Variants in ASTN2 observed in about 807,000 individuals in gnomAD.
ASTN2 encodes the protein astrotactin-2.
A neutral mutation model predicts 139.8 loss-of-function variants in ASTN2; 54 were observed. That is an observed-to-expected ratio of 0.39 (90% CI 0.31 to 0.48). The LOEUF (loss-of-function observed/expected upper bound fraction) is 0.48. Ranked by LOEUF, ASTN2 falls within the 20% of genes least tolerant of loss-of-function variation. ASTN2 has a pLI of 0.95. For missense variants in ASTN2, 1,565 were observed against 1,725.1 expected (o/e 0.91, Z 1.64); for synonymous variants, 756 against 719.5 (o/e 1.05, Z -0.81).
chr9:116,459,611 T>TA (rs1191883279), intron 20 of ASTN2, among the ~76,000 whole-genome samples: 2 of 151,708 alleles, frequency 1.3e-5, no homozygotes, highest in South Asian at 2.1e-4. Context: ...GACATTTCTC[T>TA]AAAAAAAAGA....
intron 19 of ASTN2, among the ~76,000 whole-genome samples, chr9:116,609,043 AG>A (rs1414495297): frequency 6.6e-6 from 1 of 152,176 alleles, no homozygotes; most frequent in Non-Finnish European, 1.5e-5. Flanking sequence ...AATGGAATAC[AG>A]AGATAACAAA....
At chr9:116,549,883 G>A (rs1041677121) in intron 19 of ASTN2, among the ~76,000 whole-genome samples, 1 of 132,898 alleles carries the variant, frequency 7.5e-6, no homozygotes, top group African/African-American at 2.9e-5. Context: ...TACCCATAAA[G>A]CCATTTATTA....
At chr9:116,948,698 A>AGTGTGTGTGTGT (rs112233837) in intron 10 of ASTN2, among the ~76,000 whole-genome samples, 1 of 135,278 alleles carries the variant, frequency 7.4e-6, no homozygotes, top group Non-Finnish European at 1.5e-5. Context: ...TATATGTGTG[A>AGTGTGTGTGTGT]GTGTGTGTGT....
intron 20 of ASTN2, among the ~76,000 whole-genome samples, chr9:116,455,130 C>A (rs981788099): frequency 3.9e-5 from 6 of 151,954 alleles, no homozygotes; most frequent in Admixed American, 3.3e-4. Flanking sequence ...AGGTGGATCA[C>A]CTGAGGTCAG....
At chr9:117,388,691 C>T (rs936510525) in intron 1 of ASTN2, among the ~76,000 whole-genome samples, 1 of 152,178 alleles carries the variant, frequency 6.6e-6, no homozygotes, top group African/African-American at 2.4e-5. Context: ...GAAGTCAGAG[C>T]TCTTCAACCA....
intron 20 of ASTN2, among the ~76,000 whole-genome samples, chr9:116,481,057 T>C (rs1286454184): frequency 6.6e-6 from 1 of 152,188 alleles, no homozygotes; most frequent in Non-Finnish European, 1.5e-5. Flanking sequence ...CATAACCCTA[T>C]GAAATAGATC....
At chr9:116,954,620 G>A (rs1378045406) in intron 10 of ASTN2, among the ~76,000 whole-genome samples, 2 of 151,986 alleles carry the variant, frequency 1.3e-5, no homozygotes, top group Non-Finnish European at 2.9e-5. Flanking sequence ...TTGATAATAC[G>A]TAAACAAATG....
At chr9:116,791,596 T>C (rs1482031184) in intron 13 of ASTN2, among the ~76,000 whole-genome samples, 1 of 152,250 alleles carries the variant, frequency 6.6e-6, no homozygotes, top group Non-Finnish European at 1.5e-5. Context: ...GCAGCCATTA[T>C]GAACAAACAA....
chr9:116,687,016 G>A (rs1379224668), intron 16 of ASTN2: 1 of 1,394,632 alleles, frequency 7.2e-7, no homozygotes, highest in Admixed American at 2.9e-5. Flanking sequence ...TGAAGGGGTA[G>A]ACATTGAGAC....
chr9:116,734,963 T>G (rs372496212), intron 13 of ASTN2, among the ~76,000 whole-genome samples: 38 of 152,356 alleles, frequency 2.5e-4, no homozygotes, highest in African/African-American at 8.2e-4. Context: ...CATTGAATCT[T>G]TATAATTTGC....
At chr9:117,212,026 A>C (rs1249804910) in intron 3 of ASTN2, among the ~76,000 whole-genome samples, 3 of 152,210 alleles carry the variant, frequency 2.0e-5, no homozygotes, top group African/African-American at 7.2e-5. Flanking sequence ...AACCAAAGTT[A>C]CTGCAAAGTA....
chr9:116,987,561 C>T (rs540748580), intron 7 of ASTN2, among the ~76,000 whole-genome samples: 4 of 152,318 alleles, frequency 2.6e-5, no homozygotes, highest in South Asian at 4.1e-4. Flanking sequence ...GCTTCCTGTA[C>T]AGCCTGTGGA....
intron 1 of ASTN2, among the ~76,000 whole-genome samples, chr9:117,336,074 AAAG>A (rs1335578420): frequency 6.6e-6 from 1 of 151,766 alleles, no homozygotes; most frequent in Admixed American, 6.6e-5. Context: ...AAAAAAAAAA[AAAG>A]GACCACCAGG....
intron 16 of ASTN2, among the ~76,000 whole-genome samples, chr9:116,680,681 C>G (rs1026114637): frequency 1.3e-5 from 2 of 152,192 alleles, no homozygotes; most frequent in Admixed American, 6.5e-5. Flanking sequence ...CCACCATGAT[C>G]AAGTGGGCTT....
At position 117,327,552 on chromosome 9, in the gene ASTN2, G is replaced by C. The variant is rs145401937; in HGVS notation, c.443-36039C>G. Among the ~76,000 whole-genome samples the C allele has an allele frequency of 1.7e-3, 254 of 152,266 alleles. 1 individual carries two copies. The highest frequency in any genetic ancestry group is 5.7e-3 in the African/African-American group (237 of 41,560). ...AAGGTCAAGTGTGCCAAGCAAGGAA[G>C]TGTGCATATGTTAAGTAAAAAATGG... On this transcript the variant is annotated intron_variant, in intron 1 of 22. Transcript: ENST00000313400.
At chr9:116,908,884 T>C (rs1351379878) in intron 10 of ASTN2, among the ~76,000 whole-genome samples, 2 of 152,192 alleles carry the variant, frequency 1.3e-5, no homozygotes, top group Non-Finnish European at 2.9e-5. Flanking sequence ...GGGCTACTTG[T>C]ACATCTGGGT....
At chr9:117,286,866 C>A (rs1834463171) in intron 2 of ASTN2, among the ~76,000 whole-genome samples, 2 of 152,342 alleles carry the variant, frequency 1.3e-5, no homozygotes, top group Middle Eastern at 3.4e-3. Context: ...ACGGCTACTG[C>A]TTTTTGAGCA....
intron 16 of ASTN2, among the ~76,000 whole-genome samples, chr9:116,723,626 G>A (rs1828534927): frequency 6.6e-6 from 1 of 152,120 alleles, no homozygotes; most frequent in Non-Finnish European, 1.5e-5. Flanking sequence ...TAAGTCCAAA[G>A]GCTTCTTTCA....
intron 19 of ASTN2, among the ~76,000 whole-genome samples, chr9:116,570,663 C>T (rs537321324): frequency 7.2e-5 from 11 of 152,334 alleles, no homozygotes; most frequent in African/African-American, 2.6e-4. Context: ...TCCCAAAGTG[C>T]TGGGATTACA....
Sources: gnomAD v4.1 joint callset for allele counts (sites outside exome capture counted in the v4.1 genomes callset) on GRCh38, gnomAD v4.1.1 for gene constraint, MANE v1.5 for transcripts, NCBI Gene and HGNC (gene_info 2026-07-23, HGNC 2026-07-21) for gene names.